Variants in CPNE4 observed in about 807,000 individuals in gnomAD.
CPNE4 encodes the protein copine-4.
Under a neutral mutation model 67.9 loss-of-function variants are expected in CPNE4, and 25 were observed. That is an observed-to-expected ratio of 0.37 (90% CI 0.27 to 0.51). The LOEUF (loss-of-function observed/expected upper bound fraction) is 0.51. Among genes scored for constraint, CPNE4 ranks in the 20% least tolerant of loss-of-function variants. The pLI is 0.93. For synonymous variants in CPNE4, 242 were observed against 244.9 expected (o/e 0.99, Z 0.11); for missense variants, 464 against 690.8 (o/e 0.67, Z 3.68).
At chr3:131,766,215 A>G (rs1386079209) in intron 2 of CPNE4, among the ~76,000 whole-genome samples, 1 of 152,170 alleles carries the variant, frequency 6.6e-6, no homozygotes, top group Admixed American at 6.6e-5. Flanking sequence ...TCTAAGCCTC[A>G]GTTTTCTCAT....
At chr3:131,664,712 C>G (rs1334492887) in intron 7 of CPNE4, among the ~76,000 whole-genome samples, 4 of 152,044 alleles carry the variant, frequency 2.6e-5, no homozygotes, top group Non-Finnish European at 5.9e-5. Context: ...TCTCAGTTTC[C>G]TCATCTGTAA....
chr3:131,839,356 C>G (rs73203837), intron 2 of CPNE4, among the ~76,000 whole-genome samples: 11,260 of 151,260 alleles, frequency 0.074, 566 homozygotes, highest in East Asian at 0.17. Context: ...AATATAACAC[C>G]ATGGGAAAAT....
intron 7 of CPNE4, among the ~76,000 whole-genome samples, chr3:131,633,907 T>C (rs2079303984): frequency 6.6e-6 from 1 of 152,176 alleles, no homozygotes; most frequent in African/African-American, 2.4e-5. Flanking sequence ...CTGAAGAGGA[T>C]TACATTATTT....
intron 11 of CPNE4, among the ~76,000 whole-genome samples, chr3:131,563,922 T>A (rs183537722): frequency 8.9e-4 from 135 of 152,166 alleles, no homozygotes; most frequent in Admixed American, 1.4e-3. Flanking sequence ...TGCTAGTGCA[T>A]AAGCAATTTT....
chr3:131,618,520 C>A (rs1940288442), intron 7 of CPNE4, among the ~76,000 whole-genome samples: 1 of 152,058 alleles, frequency 6.6e-6, no homozygotes, highest in Admixed American at 6.5e-5. Context: ...TTGTATTAGT[C>A]CTTCAGTTTT....
intron 8 of CPNE4, among the ~76,000 whole-genome samples, chr3:131,585,704 G>A (rs1190382434): frequency 6.6e-6 from 1 of 152,142 alleles, no homozygotes; most frequent in Non-Finnish European, 1.5e-5. Flanking sequence ...CTAGCAGGTG[G>A]TATGAATGCT....
chr3:131,582,600 A>G (rs895364917), intron 8 of CPNE4, among the ~76,000 whole-genome samples: 1 of 152,156 alleles, frequency 6.6e-6, no homozygotes, highest in Non-Finnish European at 1.5e-5. Flanking sequence ...GTGTCCATGC[A>G]TTTGTGTAGC....
intron 7 of CPNE4, among the ~76,000 whole-genome samples, chr3:131,646,654 A>T (rs2079673582): frequency 6.6e-6 from 1 of 152,212 alleles, no homozygotes; most frequent in Non-Finnish European, 1.5e-5. Context: ...ATTCTTCAAG[A>T]TGTGCTTATA....
intron 7 of CPNE4, among the ~76,000 whole-genome samples, chr3:131,611,492 G>C (rs1939838699): frequency 6.6e-6 from 1 of 152,110 alleles, no homozygotes; most frequent in South Asian, 2.1e-4. Context: ...GTTGCTCTTG[G>C]CTGTTTAGAT....
At position 132,000,575 on chromosome 3, in the gene CPNE4, G is replaced by T. The variant is rs1478104535; in HGVS notation, c.-2+33992C>A. Among the ~76,000 whole-genome samples the T allele has an allele frequency of 2.0e-5, 3 of 151,438 alleles. No homozygotes were observed. The East Asian group carries it at 5.8e-4, about 29-fold the overall frequency. On this transcript the variant is annotated intron_variant, in intron 1 of 15. Transcript: ENST00000429747. Reference sequence around the variant, plus strand: ...GACAAACAATAAAGCAAGGAAGAAGGCCATAAAGTGTTAAGGAAGAGACAA... The same window carrying T: ...GACAAACAATAAAGCAAGGAAGAAGTCCATAAAGTGTTAAGGAAGAGACAA...
intron 2 of CPNE4, among the ~76,000 whole-genome samples, chr3:131,771,729 AC>A (rs2083171467): frequency 6.6e-6 from 1 of 152,046 alleles, no homozygotes; most frequent in Admixed American, 6.6e-5. Context: ...CAACACACAA[AC>A]AGATTAAGAC....
intron 2 of CPNE4, among the ~76,000 whole-genome samples, chr3:131,801,942 A>C (rs1389872450): frequency 3.3e-5 from 5 of 149,928 alleles, no homozygotes; most frequent in African/African-American, 1.2e-4. Context: ...TAGTAATAAT[A>C]AAATGGTTTT....
intron 1 of CPNE4, among the ~76,000 whole-genome samples, chr3:131,973,205 G>A (rs569838332): frequency 6.6e-6 from 1 of 152,216 alleles, no homozygotes; most frequent in African/African-American, 2.4e-5. Context: ...GAGTTTAAAG[G>A]AAGAAAAGAA....
chr3:131,551,154 T>A (rs1006336330), intron 13 of CPNE4, among the ~76,000 whole-genome samples: 9 of 152,080 alleles, frequency 5.9e-5, no homozygotes, highest in Admixed American at 2.0e-4. Context: ...CACCATGCAC[T>A]GCAAAATAGC....
intron 1 of CPNE4, among the ~76,000 whole-genome samples, chr3:131,956,674 G>A (rs1287577766): frequency 3.9e-5 from 6 of 152,088 alleles, no homozygotes; most frequent in African/African-American, 1.2e-4. Flanking sequence ...AAATAATTGA[G>A]ATTGATATAT....
intron 2 of CPNE4, among the ~76,000 whole-genome samples, chr3:131,736,939 A>G (rs1457430811): frequency 6.6e-6 from 1 of 152,056 alleles, no homozygotes; most frequent in Admixed American, 6.5e-5. Context: ...TCAATTCACT[A>G]CCAACCACTT....
At chr3:131,876,750 T>C (rs2087476685) in intron 2 of CPNE4, among the ~76,000 whole-genome samples, 1 of 152,126 alleles carries the variant, frequency 6.6e-6, no homozygotes, top group Non-Finnish European at 1.5e-5. Flanking sequence ...TTAATCTATG[T>C]AGTAACTGAC....
intron 1 of CPNE4, among the ~76,000 whole-genome samples, chr3:131,976,192 A>T (rs955581205): frequency 1.3e-5 from 2 of 150,938 alleles, no homozygotes; most frequent in Non-Finnish European, 2.9e-5. Context: ...GGTATTAATG[A>T]TTGTATATGG....
intron 1 of CPNE4, among the ~76,000 whole-genome samples, chr3:131,984,662 A>C (rs1044017348): frequency 6.6e-6 from 1 of 152,210 alleles, no homozygotes; most frequent in Admixed American, 6.5e-5. Flanking sequence ...TATCACCTAC[A>C]TCACTTTCCT....
Sources: allele counts gnomAD v4.1 joint callset (sites outside exome capture counted in the v4.1 genomes callset), GRCh38; gene constraint gnomAD v4.1.1; transcripts MANE v1.5; gene names NCBI Gene and HGNC (gene_info 2026-07-23, HGNC 2026-07-21).